The following CTSC variants were observed in gnomAD, a reference collection of about 807,000 sequenced individuals.
CTSC encodes the protein cathepsin C.
A neutral mutation model predicts 40.9 loss-of-function variants in CTSC; 37 were observed. The ratio of observed to expected loss-of-function variants is 0.91; its 90% CI spans 0.70 to 1.19. CTSC has a LOEUF of 1.19. CTSC is among the 50% of genes most tolerant of loss of function. CTSC has a pLI of 0.00. For missense variants in CTSC, 594 were observed against 567.3 expected (o/e 1.05, Z -0.48); for synonymous variants, 232 against 207.4 (o/e 1.12, Z -1.02).
chr11:88,309,026 A>T (rs1374568411), intron 4 of CTSC, 137 bp downstream of exon 4: 1 of 739,862 alleles, frequency 1.4e-6, no homozygotes, highest in Non-Finnish European at 2.4e-6. Context: ...GGAGATAAAG[A>T]TCGTTAACAG....
intron 2 of CTSC, among the ~76,000 whole-genome samples, chr11:88,317,817 T>C (rs1937913550): frequency 6.6e-6 from 1 of 152,220 alleles, no homozygotes; most frequent in Non-Finnish European, 1.5e-5. Flanking sequence ...TTTCCATTCA[T>C]TTATGCTAAT....
chr11:88,300,842 T>G (rs1434716375), intron 4 of CTSC, among the ~76,000 whole-genome samples, 197 bp from the exon 5 acceptor site: 2 of 116,406 alleles, frequency 1.7e-5, no homozygotes, highest in African/African-American at 5.7e-5. Context: ...ATTCGCTGTT[T>G]CTTTTTCAGG....
chr11:88,296,260 G>A lies in CTSC; in HGVS notation c.762C>T (p.Ser254=). The A allele has an allele frequency of 6.2e-7, 1 of 1,613,712 alleles. No individual in the cohort carries two copies. Among genetic ancestry groups the A allele is most frequent in the East Asian group, 2.2e-5 (1 of 44,876 alleles). Residue 254 remains serine (S), a synonymous_variant, in exon 6 of 7, where the codon TCC becomes TCT. Transcript: ENST00000227266. ...NFVSPVRNQA[S]CGSCYSFASM... The stretch of plus-strand genomic sequence containing the variant: ...AAGCAAATGAGTAGCAGCTGCCACA[G>A]GATGCTGGCGATGAAAAAAAGACAC...
chr11:88,300,309 G>A (rs1260029854), intron 5 of CTSC, among the ~76,000 whole-genome samples: 1 of 152,116 alleles, frequency 6.6e-6, no homozygotes, highest in Non-Finnish European at 1.5e-5. Context: ...ATTGAGAAGA[G>A]TACTGAATAA....
intron 2 of CTSC, among the ~76,000 whole-genome samples, chr11:88,318,952 TC>T (rs1449581050): frequency 6.6e-6 from 1 of 152,090 alleles, no homozygotes; most frequent in Admixed American, 6.6e-5. Context: ...ATTGAAAACT[TC>T]CACTATTATT....
intron 2 of CTSC, among the ~76,000 whole-genome samples, chr11:88,317,789 C>A (rs1937912876): frequency 6.6e-6 from 1 of 152,192 alleles, no homozygotes; most frequent in African/African-American, 2.4e-5. Context: ...CTGCCTTGCA[C>A]AGATGAGATA....
chr11:88,294,094 T>C lies in CTSC; in HGVS notation c.1304A>G (p.Glu435Gly), dbSNP rs778079198. The part of the protein sequence containing the change: ...VKNSWGTGWG[E>G]NGYFRIRRGT... ...TCTGCGGATCCGGAAGTAGCCATTCTCACCCCAGCCGGTGCCCCAGCTGTT... is the reference window on the plus strand; with the variant it reads ...TCTGCGGATCCGGAAGTAGCCATTCCCACCCCAGCCGGTGCCCCAGCTGTT... Residue 435 changes from glutamate to glycine, a missense_variant, in exon 7 of 7, where the codon GAG becomes GGG. By Grantham distance (98) the Glu-to-Gly change is moderately conservative. Transcript: ENST00000227266. 6.2e-7 allele frequency: 1 copy of C among 1,613,980 alleles called. No homozygotes were observed. Among genetic ancestry groups the C allele is most frequent in the Non-Finnish European group, 8.5e-7 (1 of 1,180,024 alleles).
At chr11:88,325,883 A>G in intron 2 of CTSC, 1 of 987,898 alleles carries the variant, frequency 1.0e-6, no homozygotes, top group Non-Finnish European at 1.2e-6. Context: ...GAATCTCAAG[A>G]GATCCAAGGG....
At chr11:88,317,258 C>T (rs933231302) in intron 2 of CTSC, among the ~76,000 whole-genome samples, 35 of 152,296 alleles carry the variant, frequency 2.3e-4, no homozygotes, top group African/African-American at 6.3e-4. Flanking sequence ...TGATCCACCA[C>T]GGCCAGCCTT....
chr11:88,331,351 C>T (rs1381448815), intron 2 of CTSC, among the ~76,000 whole-genome samples: 2 of 152,198 alleles, frequency 1.3e-5, no homozygotes, highest in Non-Finnish European at 2.9e-5. Context: ...TTCCCATAAC[C>T]CCCTCTTTGG....
chr11:88,337,277 C>T (rs1256879177), intron 1 of CTSC, among the ~76,000 whole-genome samples: 1 of 152,078 alleles, frequency 6.6e-6, no homozygotes, highest in East Asian at 1.9e-4. Flanking sequence ...GTGTTGAGTC[C>T]CCAAGATAAC....
At chr11:88,299,457 A>T (rs894038732) in intron 5 of CTSC, 10 of 152,222 alleles carry the variant, frequency 6.6e-5, no homozygotes, top group Non-Finnish European at 1.3e-4. Flanking sequence ...CTGGTAGAAA[A>T]GCAAAGAGAC....
chr11:88,328,250 T>C, intron 2 of CTSC: 1 of 1,259,094 alleles, frequency 7.9e-7, no homozygotes, highest in Non-Finnish European at 1.2e-6. Context: ...TTAAGCATCA[T>C]CATGAAAGAA....
intron 4 of CTSC, among the ~76,000 whole-genome samples, chr11:88,306,238 GC>G: frequency 6.6e-6 from 1 of 152,142 alleles, no homozygotes; most frequent in East Asian, 1.9e-4. Context: ...GTTGAAAAAT[GC>G]CACACCTTAG....
intron 1 of CTSC, 114 bp from the exon 2 acceptor site, chr11:88,335,196 T>G (rs1388947278): frequency 1.3e-6 from 1 of 763,658 alleles, no homozygotes; most frequent in Non-Finnish European, 2.2e-6. Flanking sequence ...CTACCCAGTT[T>G]GAGCACAGTC....
rs754501425 is a variant in CTSC at position 88,300,568 on chromosome 11, A to C, written c.719T>G (p.Val240Gly). ...HLPTSWDWRN[V>G]HGINFVSPVR... ...AGGACTGACAAAATTGATACCATGA[A>C]CATTTCTCCAGTCCCAAGATGTTGG... Residue 240 changes from valine (V) to glycine (G), a missense_variant, in exon 5 of 7, where the codon GTT becomes GGT. Physicochemically the swap from Val to Gly is moderately radical, Grantham distance 109. Coordinates refer to ENST00000227266, the MANE Select transcript of CTSC (RefSeq NM_001814.6). 2.5e-6 allele frequency: 4 copies of C among 1,613,404 alleles called. No individual in the cohort carries two copies. Among genetic ancestry groups the C allele is most frequent in the African/African-American group, 1.3e-5 (1 of 74,924 alleles).
In CTSC at chr11:88,296,232, T is replaced by C. The variant is rs779749265; in HGVS notation, c.790A>G (p.Met264Val). ...SCGSCYSFAS[M>V]GMLEARIRIL... ...CGGATTCTCGCTTCTAGCATACCCA[T>C]AGAAGCAAATGAGTAGCAGCTGCCA... The change falls in exon 6 of 7, where the codon ATG becomes GTG. Residue 264 changes from methionine to valine, a missense_variant. Met to Val is a conservative substitution (Grantham distance 21). Transcript: ENST00000227266. The C allele has an allele frequency of 1.9e-6, 3 of 1,613,780 alleles. No homozygotes were observed. The highest frequency in any genetic ancestry group is 1.3e-5 in the African/African-American group (1 of 74,930).
chr11:88,312,511 G>C lies in CTSC; in HGVS notation c.362C>G (p.Thr121Arg). The C allele has an allele frequency of 1.2e-6, 2 of 1,614,156 alleles. No individual in the cohort carries two copies. Among genetic ancestry groups the C allele is most frequent in the Non-Finnish European group, 1.7e-6 (2 of 1,180,022 alleles). The change falls in exon 3 of 7, where the codon ACA (threonine) becomes AGA (arginine). Residue 121 changes from threonine (T) to arginine (R), a missense_variant. Thr to Arg is a moderately conservative substitution (Grantham distance 71). Coordinates refer to ENST00000227266, the MANE Select transcript of CTSC (RefSeq NM_001814.6). ...CACATCATGCACCCACCCAGTCATTGTCTCGTTGCAGTAAGTGGTCACCTT... is the reference window on the plus strand; with the variant it reads ...CACATCATGCACCCACCCAGTCATTCTCTCGTTGCAGTAAGTGGTCACCTT... ...GSKVTTYCNE[T>R]MTGWVHDVLG... is the part of the protein sequence containing the mutation.
chr11:88,296,199 T>C lies in CTSC; in HGVS notation c.823A>G (p.Thr275Ala). 6.2e-7 allele frequency: 1 copy of C among 1,613,966 alleles called. No homozygotes were observed. Among genetic ancestry groups the C allele is most frequent in the Non-Finnish European group, 8.5e-7 (1 of 1,179,924 alleles). The change falls in exon 6 of 7, where the codon ACC becomes GCC. Residue 275 changes from threonine to alanine, a missense_variant. Physicochemically the swap from Thr to Ala is moderately conservative, Grantham distance 58. Transcript: ENST00000227266. ...GMLEARIRIL[T>A]NNSQTPILSP... ...AGGATTGGGGTCTGAGAATTGTTGG[T>C]TAGTATACGGATTCTCGCTTCTAGC...
Sources: gnomAD v4.1 joint callset for allele counts (sites outside exome capture counted in the v4.1 genomes callset) on GRCh38, gnomAD v4.1.1 for gene constraint, MANE v1.5 for transcripts, NCBI Gene and HGNC (gene_info 2026-07-23, HGNC 2026-07-21) for gene names.